Variants in CNTNAP2 observed in about 807,000 individuals in gnomAD.
The protein encoded by CNTNAP2 is contactin-associated protein-like 2.
A neutral mutation model predicts 155.2 loss-of-function variants in CNTNAP2; 98 were observed. That is an observed-to-expected ratio of 0.63 (90% CI 0.54 to 0.75). The LOEUF (loss-of-function observed/expected upper bound fraction) is 0.75. CNTNAP2 is among the 30% of genes least tolerant of loss of function. The pLI, the probability that CNTNAP2 is intolerant of heterozygous loss-of-function variation, is 0.00. For missense variants in CNTNAP2, 1,727 were observed against 1,688.1 expected (o/e 1.02, Z -0.40); for synonymous variants, 651 against 631.2 (o/e 1.03, Z -0.47).
chr7:147,699,649 G>A (rs893134034), intron 13 of CNTNAP2, among the ~76,000 whole-genome samples: 24 of 151,872 alleles, frequency 1.6e-4, no homozygotes, highest in African/African-American at 5.8e-4. Flanking sequence ...AATCACGAAG[G>A]TAGTTTTTCA....
intron 3 of CNTNAP2, among the ~76,000 whole-genome samples, chr7:147,038,227 T>C (rs1267801859): frequency 6.6e-6 from 1 of 152,110 alleles, no homozygotes; most frequent in Non-Finnish European, 1.5e-5. Context: ...CTGAAGAAAA[T>C]ATATAGCATG....
chr7:147,713,460 A>G (rs1796433163), intron 13 of CNTNAP2, among the ~76,000 whole-genome samples: 1 of 152,044 alleles, frequency 6.6e-6, no homozygotes, highest in Non-Finnish European at 1.5e-5. Context: ...GTGATCATTC[A>G]TGTTTTATGT....
At chr7:147,010,218 C>T (rs1217556957) in intron 3 of CNTNAP2, among the ~76,000 whole-genome samples, 1 of 151,896 alleles carries the variant, frequency 6.6e-6, no homozygotes, top group East Asian at 1.9e-4. Context: ...CCATGTTGGC[C>T]AGGCTGGTCT....
At chr7:148,301,770 G>A (rs1797395892) in intron 21 of CNTNAP2, among the ~76,000 whole-genome samples, 1 of 152,164 alleles carries the variant, frequency 6.6e-6, no homozygotes, top group Non-Finnish European at 1.5e-5. Flanking sequence ...CCACACCAGG[G>A]GGTCCGTAGA....
chr7:146,828,367 G>A (rs190292342), intron 2 of CNTNAP2, among the ~76,000 whole-genome samples: 1 of 152,064 alleles, frequency 6.6e-6, no homozygotes, highest in Admixed American at 6.6e-5. Flanking sequence ...GCTAATGATT[G>A]TAACATAATA....
intron 3 of CNTNAP2, among the ~76,000 whole-genome samples, chr7:146,965,330 G>A (rs1050819881): frequency 3.9e-5 from 6 of 152,048 alleles, no homozygotes; most frequent in African/African-American, 1.4e-4. Context: ...TAAATGCAGA[G>A]TAACTATTCA....
chr7:146,331,042 C>T (rs1165815452), intron 1 of CNTNAP2, among the ~76,000 whole-genome samples: 2 of 152,218 alleles, frequency 1.3e-5, no homozygotes, highest in Non-Finnish European at 2.9e-5. Context: ...CGGTGGCTCA[C>T]GCCTGTAATC....
At chr7:147,886,719 C>T (rs190484760) in intron 13 of CNTNAP2, among the ~76,000 whole-genome samples, 13 of 152,128 alleles carry the variant, frequency 8.5e-5, no homozygotes, top group Admixed American at 2.0e-4. Context: ...CACATGTTTC[C>T]GAATCATACC....
At chr7:147,154,594 AGTCT>A (rs1002419887) in intron 8 of CNTNAP2, among the ~76,000 whole-genome samples, 13 of 152,166 alleles carry the variant, frequency 8.5e-5, no homozygotes, top group Middle Eastern at 3.2e-3. Flanking sequence ...AAAAAATGAC[AGTCT>A]GTCCTATTTC....
At chr7:147,544,176 C>T (rs1164867142) in intron 11 of CNTNAP2, among the ~76,000 whole-genome samples, 3 of 152,082 alleles carry the variant, frequency 2.0e-5, no homozygotes, top group Non-Finnish European at 4.4e-5. Context: ...TGTAAATGTA[C>T]AACATATAAT....
At chr7:147,942,895 G>A (rs1800750336) in intron 14 of CNTNAP2, among the ~76,000 whole-genome samples, 1 of 152,052 alleles carries the variant, frequency 6.6e-6, no homozygotes, top group Admixed American at 6.6e-5. Context: ...AACTTATCTG[G>A]GTGTGGTGGC....
At chr7:147,180,656 C>T (rs1802437616) in intron 8 of CNTNAP2, among the ~76,000 whole-genome samples, 1 of 151,892 alleles carries the variant, frequency 6.6e-6, no homozygotes. Flanking sequence ...ATAGTAAATG[C>T]CATTGTATAT....
intron 8 of CNTNAP2, among the ~76,000 whole-genome samples, chr7:147,164,097 C>A (rs1260438832): frequency 1.3e-5 from 2 of 152,168 alleles, no homozygotes; most frequent in Non-Finnish European, 2.9e-5. Flanking sequence ...CTCAAGTGAT[C>A]CTGGCATACT....
chr7:147,470,741 C>CTTTA (rs745530097), intron 10 of CNTNAP2, among the ~76,000 whole-genome samples: 2 of 151,826 alleles, frequency 1.3e-5, no homozygotes, highest in Non-Finnish European at 2.9e-5. Flanking sequence ...CAAAAATATG[C>CTTTA]TTTATTTATT....
chr7:148,020,326 T>C (rs767470223), intron 15 of CNTNAP2, among the ~76,000 whole-genome samples: 1 of 152,200 alleles, frequency 6.6e-6, no homozygotes, highest in Non-Finnish European at 1.5e-5. Flanking sequence ...AAAACAAGGG[T>C]AATTCATCTT....
chr7:146,640,508 GCTCT>G, intron 1 of CNTNAP2, among the ~76,000 whole-genome samples: 1 of 152,296 alleles, frequency 6.6e-6, no homozygotes, highest in East Asian at 1.9e-4. Context: ...TGTAGAGTAT[GCTCT>G]CTAAGTGGAG....
chr7:147,882,673 C>A (rs1799541332), intron 13 of CNTNAP2, among the ~76,000 whole-genome samples: 1 of 152,154 alleles, frequency 6.6e-6, no homozygotes, highest in Non-Finnish European at 1.5e-5. Context: ...CTGCTTTACT[C>A]CCTTTTTGTG....
chr7:146,462,837 G>T (rs1011760935), intron 1 of CNTNAP2, among the ~76,000 whole-genome samples: 2 of 152,104 alleles, frequency 1.3e-5, no homozygotes, highest in African/African-American at 4.8e-5. Flanking sequence ...GCAACAGTTT[G>T]GGCGTCTCTC....
At chr7:146,821,362 G>T (rs1803279512) in intron 2 of CNTNAP2, among the ~76,000 whole-genome samples, 2 of 151,994 alleles carry the variant, frequency 1.3e-5, no homozygotes, top group South Asian at 2.1e-4. Context: ...CAGGCCTGGT[G>T]GTGACAAAAT....
Sources: allele counts gnomAD v4.1 joint callset (sites outside exome capture counted in the v4.1 genomes callset), GRCh38; gene constraint gnomAD v4.1.1; transcripts MANE v1.5; gene names NCBI Gene and HGNC (gene_info 2026-07-23, HGNC 2026-07-21).